The following ZNF304 variants were observed in gnomAD, a reference collection of about 807,000 sequenced individuals.
ZNF304 encodes the protein zinc finger protein 304.
Under a neutral mutation model 7.8 loss-of-function variants are expected in ZNF304, and 7 were observed. The ratio of observed to expected loss-of-function variants is 0.90; its 90% CI spans 0.51 to 1.69. ZNF304 has a LOEUF of 1.69. ZNF304 is among the 40% of genes most tolerant of loss of function. ZNF304 has a pLI of 0.00. For missense variants in ZNF304, 669 were observed against 804.8 expected, an observed-to-expected ratio of 0.83 and a Z score of 2.04; for synonymous variants, 280 against 272.4, an observed-to-expected ratio of 1.03 and a Z score of -0.27.
rs762376363 is a variant in ZNF304 at position 57,356,885 on chromosome 19, A to C, written c.1016A>C (p.Glu339Ala). Residue 339 changes from glutamate to alanine, a missense_variant, in exon 3 of 3, where the codon GAA (glutamate) becomes GCA (alanine). Physicochemically the swap from Glu to Ala is moderately radical, Grantham distance 107. Coordinates refer to ENST00000282286, the MANE Select transcript of ZNF304 (RefSeq NM_020657.4). Reference sequence around the variant, plus strand: ...GGAGAAAGATCTTATGACTGCAGTGAATGTGGAAAAGCCTACAGCAGAAGC... The same window carrying C: ...GGAGAAAGATCTTATGACTGCAGTGCATGTGGAAAAGCCTACAGCAGAAGC... ...HTGERSYDCS[E>A]CGKAYSRSSH... 144 of 1,614,038 alleles carry C rather than the reference A, an allele frequency of 8.9e-5. No homozygotes were observed. Among genetic ancestry groups the C allele is most frequent in the Non-Finnish European group, 1.2e-4 (138 of 1,180,028 alleles).
rs748138316 is a variant in ZNF304 at position 57,356,342 on chromosome 19, G to C, written c.473G>C (p.Cys158Ser). 6 of 1,614,212 alleles carry C rather than the reference G, an allele frequency of 3.7e-6. No individual in the cohort carries two copies. The highest frequency in any genetic ancestry group is 8.5e-7 in the Non-Finnish European group (1 of 1,180,034). Residue 158 changes from cysteine (C) to serine (S), a missense_variant, in exon 3 of 3, where the codon TGT becomes TCT. By Grantham distance (112) the Cys-to-Ser change is moderately radical (BLOSUM62 -1). Transcript: ENST00000282286. ...GGAGGGGCCTCATTTGTGAAGAGCT[G>C]TACAGTCCACATGTTAGGGAGATCC... is the stretch of plus-strand genomic sequence containing the variant. ...DDGGASFVKS[C>S]TVHMLGRSFT...
rs1392045018 is a variant in ZNF304, at chr19:57,359,235, G to A, written c.*1386G>A. On this transcript the variant is annotated 3_prime_UTR_variant, in exon 3 of 3. Coordinates refer to ENST00000282286, the MANE Select transcript of ZNF304 (RefSeq NM_020657.4). ...CAGCAGTGACAGAAGAGAGATCCAG[G>A]GATGGGTCTTCTCTGACCCAGCCAG... is the stretch of plus-strand genomic sequence containing the variant. The A allele has an allele frequency of 6.6e-6, 1 of 152,200 alleles. No individual in the cohort carries two copies. The highest frequency in any genetic ancestry group is 2.4e-5 in the African/African-American group (1 of 41,458). The allele number at this position is 152,200 out of a possible 1,614,324, so 9.4% of individuals were successfully genotyped here.
chr19:57,351,860 G>T lies in ZNF304; in HGVS notation c.33+163G>T, dbSNP rs762894969. ...TGTGGAACGGACTCGAAGGCGCAGG[G>T]GCAGTTCGTACAAATGCATGCATGG... On this transcript the variant is annotated intron_variant, in intron 1 of 2. Transcript: ENST00000282286. The surrounding 1 kb of genome is among the most constrained non-coding windows in gnomAD (Gnocchi z 4.1). 9 of 686,354 alleles carry T rather than the reference G, an allele frequency of 1.3e-5. No individual in the cohort carries two copies. Among genetic ancestry groups the T allele is most frequent in the Non-Finnish European group, 1.9e-5 (8 of 425,108 alleles). 42.5% of individuals were successfully genotyped at this position (686,354 alleles called of 1,614,324 possible).
At chr19:57,353,627 G>A (rs1001340567) in intron 1 of ZNF304, 98 bp from the exon 2 acceptor site, 10 of 1,459,108 alleles carry the variant, frequency 6.9e-6, no homozygotes, top group African/African-American at 4.2e-5. Flanking sequence ...CTGGGGAGGC[G>A]AGGGACTAGA....
At chr19:57,355,806 C>T (rs1466497484) in intron 2 of ZNF304, among the ~76,000 whole-genome samples, 3 of 152,198 alleles carry the variant, frequency 2.0e-5, no homozygotes, top group Admixed American at 6.5e-5. Context: ...ACCTATACTC[C>T]CTATACTCTA....
At chr19:57,355,816 A>T (rs569541672) in intron 2 of ZNF304, among the ~76,000 whole-genome samples, 17 of 152,280 alleles carry the variant, frequency 1.1e-4, no homozygotes, top group African/African-American at 3.4e-4. Flanking sequence ...CCTATACTCT[A>T]TGCCATTGTT....
At chr19:57,354,698 GGCAAGAGTACC>G in intron 2 of ZNF304, among the ~76,000 whole-genome samples, 1 of 152,268 alleles carries the variant, frequency 6.6e-6, no homozygotes, top group African/African-American at 2.4e-5. Context: ...CTTACACAGG[GGCAAGAGTACC>G]AAGAGGTAGG....
rs2088304249 is a variant in ZNF304 at position 57,353,820 on chromosome 19, G to A, written c.129G>A (p.Met43Ile). The A allele has an allele frequency of 3.1e-6, 5 of 1,611,278 alleles. No individual in the cohort carries two copies. In the South Asian group the frequency reaches 5.5e-5, roughly 18 times the overall value. The stretch of plus-strand genomic sequence containing the variant: ...AGAGATTCCTGTACCGTGATGTGAT[G>A]CTGGAGAACTTTGCACTTGTGGCTA... ...EAQRFLYRDV[M>I]LENFALVATL... Residue 43 changes from methionine (M) to isoleucine (I), a missense_variant, in exon 2 of 3, where the codon ATG becomes ATA. Physicochemically the swap from Met to Ile is conservative, Grantham distance 10. Coordinates refer to ENST00000282286, the MANE Select transcript of ZNF304 (RefSeq NM_020657.4).
chr19:57,357,127 G>A lies in ZNF304; in HGVS notation c.1258G>A (p.Glu420Lys). The A allele has an allele frequency of 6.2e-7, 1 of 1,613,278 alleles. No individual in the cohort carries two copies. Among genetic ancestry groups the A allele is most frequent in the Non-Finnish European group, 8.5e-7 (1 of 1,179,458 alleles). The change falls in exon 3 of 3, where the codon GAA becomes AAA. Residue 420 changes from glutamate to lysine, a missense_variant. Physicochemically the swap from Glu to Lys is moderately conservative, Grantham distance 56. Coordinates refer to ENST00000282286, the MANE Select transcript of ZNF304 (RefSeq NM_020657.4). Reference sequence around the variant, plus strand: ...AATTCATACCGGGGCAAGGCCCTATGAATGCATAGAATGTGGAAAATTCTT... The same window carrying A: ...AATTCATACCGGGGCAAGGCCCTATAAATGCATAGAATGTGGAAAATTCTT... ...WRIHTGARPY[E>K]CIECGKFFSH... is the part of the protein sequence containing the mutation.
rs146002273 is a variant in ZNF304 at position 57,356,250 on chromosome 19, G to A, written c.381G>A (p.Ser127=). The A allele has an allele frequency of 1.5e-3, 2,376 of 1,614,186 alleles. 7 individuals carry two copies. The highest frequency in any genetic ancestry group is 5.4e-3 in the Middle Eastern group (33 of 6,062). The change falls in exon 3 of 3, where the codon TCG becomes TCA. Residue 127 remains serine (S), a synonymous_variant. Transcript: ENST00000282286. The stretch of plus-strand genomic sequence containing the variant: ...GTGGGCTGTGTAGGAGAAGATTCTC[G>A]TTCAGTGCAAACTTTTACCAGCACC... ...CTRGLCRRRF[S]FSANFYQHQK...
intron 2 of ZNF304, among the ~76,000 whole-genome samples, chr19:57,354,208 G>A (rs1195150935): frequency 6.6e-6 from 1 of 151,994 alleles, no homozygotes; most frequent in African/African-American, 2.4e-5. Context: ...GTCTTGCTAC[G>A]TTGCCCAGGC....
chr19:57,354,339 C>T (rs536829863), intron 2 of ZNF304, among the ~76,000 whole-genome samples: 20 of 152,164 alleles, frequency 1.3e-4, no homozygotes, highest in Admixed American at 2.0e-4. Context: ...GCTTTTGGCT[C>T]TCATGAAGTT....
In ZNF304 at chr19:57,357,635, G is replaced by T; in HGVS notation, c.1766G>T (p.Cys589Phe). Reference protein sequence around the residue: ...KVHTGARPYECSECGKFFSRN... With the variant: ...KVHTGARPYEFSECGKFFSRN... Reference sequence around the variant, plus strand: ...CACACTGGAGCAAGACCTTATGAGTGCAGTGAATGTGGGAAATTCTTTAGC... The same window carrying T: ...CACACTGGAGCAAGACCTTATGAGTTCAGTGAATGTGGGAAATTCTTTAGC... The change falls in exon 3 of 3, where the codon TGC (cysteine) becomes TTC (phenylalanine). Residue 589 changes from cysteine to phenylalanine, a missense_variant. Cys to Phe is a radical substitution (Grantham distance 205, BLOSUM62 -2). Transcript: ENST00000282286. 1 of 1,614,208 alleles carries T rather than the reference G, an allele frequency of 6.2e-7. No individual in the cohort carries two copies. Among genetic ancestry groups the T allele is most frequent in the Non-Finnish European group, 8.5e-7 (1 of 1,180,012 alleles).
Position 57,359,847 on chromosome 19 carries a change from AAC to A in ZNF304, c.*1999_*2000del, listed in dbSNP as rs1470310308. 5 of 152,192 alleles carry A rather than the reference AAC, an allele frequency of 3.3e-5. No individual in the cohort carries two copies. The highest frequency in any genetic ancestry group is 1.2e-4 in the African/African-American group (5 of 41,444). The allele number at this position is 152,192 out of a possible 1,614,324, so 9.4% of individuals were successfully genotyped here. On this transcript the variant is annotated 3_prime_UTR_variant, in exon 3 of 3. Coordinates refer to ENST00000282286, the MANE Select transcript of ZNF304 (RefSeq NM_020657.4). ...ACTTAATTGTTATGGATGTTTGGGT[AAC>A]TTTCAGTTTTTGGCTATTACAAATA...
chr19:57,351,497 T>G lies in ZNF304; in HGVS notation c.-168T>G. 2.6e-6 allele frequency: 2 copies of G among 776,404 alleles called. No individual in the cohort carries two copies. Among genetic ancestry groups the G allele is most frequent in the Non-Finnish European group, 4.2e-6 (2 of 473,230 alleles). The allele number at this position is 776,404 out of a possible 1,614,324, so 48.1% of individuals were successfully genotyped here. A position where few individuals can be genotyped will look rare whatever the true frequency, so the allele number is the denominator to read the frequency against. On this transcript the variant is annotated 5_prime_UTR_variant, in exon 1 of 3. Coordinates refer to ENST00000282286, the MANE Select transcript of ZNF304 (RefSeq NM_020657.4). The surrounding 1 kb of genome is among the most constrained non-coding windows in gnomAD (Gnocchi z 4.1). ...GCTCTTACCGAGGCCTCCACACACG[T>G]CCTCTTGTCCTTGTCTCCCCCAGAA...
At chr19:57,355,228 G>T in intron 2 of ZNF304, 1 of 763,112 alleles carries the variant, frequency 1.3e-6, no homozygotes, top group South Asian at 1.3e-5. Flanking sequence ...TCTGTGGAGT[G>T]GGTCTACCTG....
intron 1 of ZNF304, among the ~76,000 whole-genome samples, chr19:57,352,442 A>G (rs1382667881): frequency 2.6e-5 from 4 of 152,198 alleles, no homozygotes; most frequent in Non-Finnish European, 5.9e-5. Flanking sequence ...CAGACCTAGG[A>G]ACAGGTACGC....
rs1323248248 is a variant in ZNF304 at position 57,357,781 on chromosome 19, A to C, written c.1912A>C (p.Thr638Pro). Residue 638 changes from threonine (T) to proline (P), a missense_variant, in exon 3 of 3, where the codon ACT becomes CCT. Coordinates refer to ENST00000282286, the MANE Select transcript of ZNF304 (RefSeq NM_020657.4). ...SHLVRHQKAHTGERAHECNSF... is the reference protein window; with the variant it reads ...SHLVRHQKAHPGERAHECNSF... The stretch of plus-strand genomic sequence containing the variant: ...TCTTGTTCGTCACCAGAAAGCTCAC[A>C]CTGGAGAAAGAGCTCACGAGTGCAA... The C allele has an allele frequency of 6.2e-7, 1 of 1,614,084 alleles. No individual in the cohort carries two copies. The highest frequency in any genetic ancestry group is 1.3e-5 in the African/African-American group (1 of 75,046).
rs1449018462 is a variant in ZNF304, at chr19:57,359,210, C to T, written c.*1361C>T. 1.3e-5 allele frequency: 2 copies of T among 152,198 alleles called. No individual in the cohort carries two copies. The highest frequency in any genetic ancestry group is 4.8e-5 in the African/African-American group (2 of 41,450). The allele number at this position is 152,198 out of a possible 1,614,324, so 9.4% of individuals were successfully genotyped here. ...AGTTGACCTGCACAGACAGGAACCT[C>T]AGCAGTGACAGAAGAGAGATCCAGG... On this transcript the variant is annotated 3_prime_UTR_variant, in exon 3 of 3. Transcript: ENST00000282286.
Sources: gnomAD v4.1 joint callset for allele counts (sites outside exome capture counted in the v4.1 genomes callset) on GRCh38, gnomAD v4.1.1 for gene constraint, Gnocchi (gnomAD v3.1) non-coding constraint, MANE v1.5 for transcripts, NCBI Gene and HGNC (gene_info 2026-07-23, HGNC 2026-07-21) for gene names.